Variants in FKTN observed in about 807,000 individuals in gnomAD.
The protein encoded by FKTN is ribitol-5-phosphate transferase FKTN.
Under a neutral mutation model 58.6 loss-of-function variants are expected in FKTN, and 47 were observed. The observed-to-expected ratio is 0.80, with a 90% CI of 0.63 to 1.02. FKTN has a LOEUF of 1.02. Among genes scored for constraint, FKTN ranks in the 50% least tolerant of loss-of-function variants. The probability of loss-of-function intolerance (pLI) is 0.00; values close to 1 mark genes in which losing one functional copy is unlikely to be tolerated. For missense variants in FKTN, 516 were observed against 537.3 expected (o/e 0.96, Z 0.39); for synonymous variants, 178 against 191.9 (o/e 0.93, Z 0.60).
intron 6 of FKTN, among the ~76,000 whole-genome samples, chr9:105,607,553 A>G (rs1829123446): frequency 6.6e-6 from 1 of 152,004 alleles, no homozygotes; most frequent in South Asian, 2.1e-4. Context: ...TGATATTTGT[A>G]AGAGGCTGCC....
At chr9:105,617,830 G>A (rs1831094955) in intron 8 of FKTN, 129 bp from the exon 9 acceptor site, 2 of 637,042 alleles carry the variant, frequency 3.1e-6, no homozygotes, top group South Asian at 4.0e-5. Context: ...CGTACAGCCT[G>A]GGCAATATAG....
chr9:105,581,122 G>A (rs1466556971), intron 3 of FKTN, among the ~76,000 whole-genome samples: 3 of 148,588 alleles, frequency 2.0e-5, no homozygotes, highest in Non-Finnish European at 4.5e-5. Flanking sequence ...ATGTCCTCCC[G>A]TAGCTCAGAG....
chr9:105,562,247 G>A (rs978869789), intron 1 of FKTN, among the ~76,000 whole-genome samples: 6 of 152,214 alleles, frequency 3.9e-5, no homozygotes, highest in South Asian at 2.1e-4. Flanking sequence ...AATCAGTCTC[G>A]CCAAAGACTT....
At chr9:105,564,817 G>A (rs984966890) in intron 1 of FKTN, among the ~76,000 whole-genome samples, 11 of 152,122 alleles carry the variant, frequency 7.2e-5, no homozygotes, top group Non-Finnish European at 1.0e-4. Context: ...GATACTCCTC[G>A]AGAAGAGCAA....
rs886063340 is a variant in FKTN, at chr9:105,640,267, T to G, written c.*5003T>G. 5.1e-6 allele frequency: 6 copies of G among 1,182,380 alleles called. No homozygotes were observed. Among genetic ancestry groups the G allele is most frequent in the Non-Finnish European group, 6.8e-6 (6 of 882,132 alleles). The allele number at this position is 1,182,380 out of a possible 1,614,324, so 73.2% of individuals were successfully genotyped here. On this transcript the variant is annotated 3_prime_UTR_variant, in exon 11 of 11. Coordinates refer to ENST00000357998, the MANE Select transcript of FKTN (RefSeq NM_001079802.2). The stretch of plus-strand genomic sequence containing the variant: ...AATTTTCTAATAAGAAATCCCTGCT[T>G]CTTTTGGGTGCAGTGGCTCACACCT...
intron 1 of FKTN, among the ~76,000 whole-genome samples, chr9:105,564,270 C>A (rs1211884186): frequency 6.6e-6 from 1 of 152,224 alleles, no homozygotes; most frequent in Non-Finnish European, 1.5e-5. Context: ...CGCAGCTCCT[C>A]ACCAGCAATG....
chr9:105,640,426 G>A lies in FKTN; in HGVS notation c.*5162G>A, dbSNP rs1010813107. 12 of 239,620 alleles carry A rather than the reference G, an allele frequency of 5.0e-5. No homozygotes were observed. In the Admixed American group the frequency reaches 5.3e-4, roughly 11 times the overall value. 14.8% of individuals were successfully genotyped at this position (239,620 alleles called of 1,614,324 possible). ...AAATTAGCTGGGCATGGTGGTGCAC[G>A]CCTATAGTCCCAGCTACACAGGAGG... is the stretch of plus-strand genomic sequence containing the variant. On this transcript the variant is annotated 3_prime_UTR_variant, in exon 11 of 11. Transcript: ENST00000357998.
intron 3 of FKTN, among the ~76,000 whole-genome samples, chr9:105,584,074 T>C (rs1384899944): frequency 6.6e-6 from 1 of 152,208 alleles, no homozygotes; most frequent in Non-Finnish European, 1.5e-5. Flanking sequence ...TACTGCTTAT[T>C]AGCTGTGGGA....
At chr9:105,569,056 G>A (rs537956387) in intron 1 of FKTN, among the ~76,000 whole-genome samples, 8 of 152,068 alleles carry the variant, frequency 5.3e-5, no homozygotes, top group Non-Finnish European at 8.8e-5. Flanking sequence ...ACCAAACATC[G>A]CATGTTCTCA....
At chr9:105,618,293 T>C (rs567404495) in intron 9 of FKTN, among the ~76,000 whole-genome samples, 1 of 152,312 alleles carries the variant, frequency 6.6e-6, no homozygotes, top group South Asian at 2.1e-4. Flanking sequence ...GGCTTTCTAC[T>C]GGGTTGGTGC....
chr9:105,607,778 TC>T, intron 6 of FKTN, 40 bp from the exon 7 acceptor site: 8 of 1,591,130 alleles, frequency 5.0e-6, no homozygotes, highest in Non-Finnish European at 6.9e-6. Flanking sequence ...CCTCCCTGTT[TC>T]CCCCACCCCT....
In FKTN at chr9:105,638,926, T is replaced by G. The variant is rs982190548; in HGVS notation, c.*3662T>G. On this transcript the variant is annotated 3_prime_UTR_variant, in exon 11 of 11. Coordinates refer to ENST00000357998, the MANE Select transcript of FKTN (RefSeq NM_001079802.2). ...ACATAGGTAAGCAGGAATTTATACA[T>G]TGGGTACCAGAGCTAAATCTGGAAA... 1.0e-6 allele frequency: 1 copy of G among 985,194 alleles called. No individual in the cohort carries two copies. The highest frequency in any genetic ancestry group is 1.2e-6 in the Non-Finnish European group (1 of 829,876). 61.0% of individuals were successfully genotyped at this position (985,194 alleles called of 1,614,324 possible).
chr9:105,596,580 C>CTTTTG lies in FKTN; in HGVS notation c.106-15_106-11dup, dbSNP rs1564272631. On this transcript the variant is annotated splice_polypyrimidine_tract_variant and intron_variant, in intron 3 of 10. Transcript: ENST00000357998. ...TGGACTTTGAATTTACTAAAAAGTT[C>CTTTTG]TTTTGTTGTCTTCCTAGAATGGAGC... 3.7e-6 allele frequency: 6 copies of CTTTTG among 1,600,964 alleles called. No homozygotes were observed. Among genetic ancestry groups the CTTTTG allele is most frequent in the Non-Finnish European group, 5.1e-6 (6 of 1,168,626 alleles).
At chr9:105,560,918 C>G (rs1006220580) in intron 1 of FKTN, among the ~76,000 whole-genome samples, 1 of 152,024 alleles carries the variant, frequency 6.6e-6, no homozygotes, top group Non-Finnish European at 1.5e-5. Flanking sequence ...GAAACCCTGT[C>G]TCTACTGAAA....
chr9:105,571,075 G>A (rs75729281), intron 1 of FKTN, among the ~76,000 whole-genome samples: 193 of 152,206 alleles, frequency 1.3e-3, no homozygotes, highest in African/African-American at 4.5e-3. Flanking sequence ...TAGGTGGTAG[G>A]GAACTATTGA....
intron 7 of FKTN, 29 bp downstream of exon 7, chr9:105,607,980 A>C (rs750732870): frequency 6.3e-7 from 1 of 1,589,720 alleles, no homozygotes; most frequent in Non-Finnish European, 8.6e-7. Flanking sequence ...TGTACTTTTA[A>C]ATTAAAGAAA....
chr9:105,639,781 T>C lies in FKTN; in HGVS notation c.*4517T>C, dbSNP rs1033635623. The C allele has an allele frequency of 2.7e-6, 3 of 1,112,974 alleles. No individual in the cohort carries two copies. Among genetic ancestry groups the C allele is most frequent in the Non-Finnish European group, 3.3e-6 (3 of 911,980 alleles). 68.9% of individuals were successfully genotyped at this position (1,112,974 alleles called of 1,614,324 possible). A position where few individuals can be genotyped will look rare whatever the true frequency, so the allele number is the denominator to read the frequency against. On this transcript the variant is annotated 3_prime_UTR_variant, in exon 11 of 11. Transcript: ENST00000357998. Reference sequence around the variant, plus strand: ...AGAACTTGTATTTTCATTTTCTTGGTTAAGCAGTTGTCTCCTAATATTATC... The same window carrying C: ...AGAACTTGTATTTTCATTTTCTTGGCTAAGCAGTTGTCTCCTAATATTATC...
In FKTN at chr9:105,638,992, C is replaced by A; in HGVS notation, c.*3728C>A. On this transcript the variant is annotated 3_prime_UTR_variant, in exon 11 of 11. Coordinates refer to ENST00000357998, the MANE Select transcript of FKTN (RefSeq NM_001079802.2). ...GCTTCCACACTTCAGTCTAAAATCT[C>A]ACCCAAACTTATGGCTACATATTTT... 1.0e-6 allele frequency: 1 copy of A among 985,272 alleles called. No individual in the cohort carries two copies. The highest frequency in any genetic ancestry group is 1.2e-6 in the Non-Finnish European group (1 of 829,822). The allele number at this position is 985,272 out of a possible 1,614,324, so 61.0% of individuals were successfully genotyped here. A position where few individuals can be genotyped will look rare whatever the true frequency, so the allele number is the denominator to read the frequency against.
chr9:105,565,235 A>G (rs62386277), intron 1 of FKTN, among the ~76,000 whole-genome samples: 4 of 152,188 alleles, frequency 2.6e-5, no homozygotes, highest in Non-Finnish European at 4.4e-5. Flanking sequence ...CAGAAACTGC[A>G]TCAACTAACG....
Sources: gnomAD v4.1 joint callset for allele counts (sites outside exome capture counted in the v4.1 genomes callset) on GRCh38, gnomAD v4.1.1 for gene constraint, MANE v1.5 for transcripts, NCBI Gene and HGNC (gene_info 2026-07-23, HGNC 2026-07-21) for gene names.